The following TEAD1 variants were observed in gnomAD, a reference collection of about 807,000 sequenced individuals.
TEAD1 encodes TEA domain transcription factor 1.
TEAD1 carries 9 observed loss-of-function variants against 54.9 expected under a neutral mutation model. The observed-to-expected ratio is 0.16, with a 90% CI of 0.10 to 0.29. TEAD1 has a LOEUF of 0.29. Among genes scored for constraint, TEAD1 ranks in the 10% least tolerant of loss-of-function variants. The pLI, the probability that TEAD1 is intolerant of heterozygous loss-of-function variation, is 1.00. For missense variants in TEAD1, 387 were observed against 535.9 expected (o/e 0.72, Z 2.74); for synonymous variants, 200 against 187.8 (o/e 1.07, Z -0.53).
chr11:12,824,029 C>T (rs1946602698), intron 3 of TEAD1, among the ~76,000 whole-genome samples: 1 of 152,186 alleles, frequency 6.6e-6, no homozygotes, highest in Admixed American at 6.5e-5. Context: ...ATGAGAACGT[C>T]TGTAAAATTA....
intron 5 of TEAD1, among the ~76,000 whole-genome samples, chr11:12,870,766 G>T (rs1947730822): frequency 6.6e-6 from 1 of 152,142 alleles, no homozygotes; most frequent in Non-Finnish European, 1.5e-5. Context: ...TGCACCGGCA[G>T]TTATAGCTAC....
intron 3 of TEAD1, among the ~76,000 whole-genome samples, chr11:12,794,487 G>C (rs1282023605): frequency 6.6e-6 from 1 of 152,228 alleles, no homozygotes; most frequent in African/African-American, 2.4e-5. Flanking sequence ...AATCAAGGGA[G>C]ATTTGGAATA....
intron 2 of TEAD1, among the ~76,000 whole-genome samples, chr11:12,726,442 G>T (rs999123527): frequency 1.3e-5 from 2 of 152,212 alleles, no homozygotes; most frequent in Non-Finnish European, 1.5e-5. Flanking sequence ...GCTGTGCACT[G>T]GGGGAGTCAC....
intron 6 of TEAD1, 119 bp downstream of exon 6, chr11:12,879,961 G>C: frequency 1.4e-6 from 2 of 1,465,606 alleles, no homozygotes; most frequent in East Asian, 2.3e-5. Context: ...GAGGGCAAAG[G>C]CTACCTTGTC....
At chr11:12,818,001 A>G (rs1422684846) in intron 3 of TEAD1, among the ~76,000 whole-genome samples, 1 of 152,262 alleles carries the variant, frequency 6.6e-6, no homozygotes, top group Non-Finnish European at 1.5e-5. Flanking sequence ...CTGGATGGCA[A>G]AGAAAACACT....
chr11:12,826,079 A>G (rs993060898), intron 3 of TEAD1, among the ~76,000 whole-genome samples: 3 of 152,228 alleles, frequency 2.0e-5, no homozygotes, highest in African/African-American at 7.2e-5. Flanking sequence ...AGCACAACAT[A>G]ATAAAAAGTC....
chr11:12,771,277 A>G (rs1018849600), intron 3 of TEAD1, among the ~76,000 whole-genome samples: 1 of 152,188 alleles, frequency 6.6e-6, no homozygotes, highest in Admixed American at 6.5e-5. Context: ...CTGGGGGCAG[A>G]CGGAAGCCAT....
intron 3 of TEAD1, among the ~76,000 whole-genome samples, chr11:12,797,807 A>G (rs1945966638): frequency 6.6e-6 from 1 of 151,996 alleles, no homozygotes. Context: ...TTTTTATGTC[A>G]GTGTATCCTA....
At chr11:12,869,638 T>C (rs1947697617) in intron 5 of TEAD1, among the ~76,000 whole-genome samples, 1 of 152,218 alleles carries the variant, frequency 6.6e-6, no homozygotes, top group African/African-American at 2.4e-5. Context: ...TAAACACTCA[T>C]GTTTATACTA....
intron 9 of TEAD1, among the ~76,000 whole-genome samples, chr11:12,895,959 C>G (rs556398213): frequency 6.9e-6 from 1 of 145,122 alleles, no homozygotes; most frequent in Admixed American, 6.9e-5. Context: ...TTCAGTCCCC[C>G]TATGTGCTTT....
At chr11:12,828,117 C>T (rs1166873733) in intron 3 of TEAD1, 1 of 152,186 alleles carries the variant, frequency 6.6e-6, no homozygotes, top group Non-Finnish European at 1.5e-5. Context: ...TCCTGATTGT[C>T]AATAAAGACG....
intron 2 of TEAD1, among the ~76,000 whole-genome samples, chr11:12,676,772 T>A (rs1463562499): frequency 1.3e-5 from 2 of 152,192 alleles, no homozygotes; most frequent in African/African-American, 2.4e-5. Context: ...TTCTTTAGTG[T>A]TTCTTTGTGC....
In TEAD1 at chr11:12,699,650, T is replaced by C. The variant is rs1157003810; in HGVS notation, c.-55+24089T>C. On this transcript the variant is annotated intron_variant, in intron 2 of 12. Transcript: ENST00000527636. ...TGTATCTGATTTACTCACTAGATTATAAGCCTCACAAGGGAAGTTTCCATG... is the reference window on the plus strand; with the variant it reads ...TGTATCTGATTTACTCACTAGATTACAAGCCTCACAAGGGAAGTTTCCATG... Among the ~76,000 whole-genome samples the C allele has an allele frequency of 2.6e-5, 4 of 152,340 alleles. No homozygotes were observed. The East Asian group carries it at 7.7e-4, about 29-fold the overall frequency.
chr11:12,855,447 G>A lies in TEAD1; in HGVS notation c.203-6803G>A, dbSNP rs1045400396. Among the ~76,000 whole-genome samples the A allele has an allele frequency of 5.3e-5, 8 of 151,746 alleles. No individual in the cohort carries two copies. In the East Asian group the frequency reaches 7.8e-4, roughly 15 times the overall value. On this transcript the variant is annotated intron_variant, in intron 3 of 12. Coordinates refer to ENST00000527636, the MANE Select transcript of TEAD1 (RefSeq NM_021961.6). Reference sequence around the variant, plus strand: ...TGGGATTACAGGCATGTGCCACCACGCCCAGCTTATTTTTGTATTTTTAGT... The same window carrying A: ...TGGGATTACAGGCATGTGCCACCACACCCAGCTTATTTTTGTATTTTTAGT...
Position 12,674,825 on chromosome 11 carries a change from C to A in TEAD1, c.-217C>A. 6.6e-6 allele frequency: 1 copy of A among 150,488 alleles called. No individual in the cohort carries two copies. The highest frequency in any genetic ancestry group is 2.1e-4 in the South Asian group (1 of 4,820). 9.3% of individuals were successfully genotyped at this position (150,488 alleles called of 1,614,324 possible). ...ACTCGCCGGGCGCTGCGGTGGCTCC[C>A]TGGGCCGAGGTAAGTTGGCGCGCGG... is the stretch of plus-strand genomic sequence containing the variant. On this transcript the variant is annotated 5_prime_UTR_variant, in exon 1 of 13. It adds an upstream start codon to the 5' untranslated region. Coordinates refer to ENST00000527636, the MANE Select transcript of TEAD1 (RefSeq NM_021961.6).
intron 3 of TEAD1, among the ~76,000 whole-genome samples, chr11:12,839,028 C>G (rs1946968609): frequency 6.6e-6 from 1 of 152,098 alleles, no homozygotes; most frequent in Non-Finnish European, 1.5e-5. Flanking sequence ...GGACAGAACT[C>G]TGAGCATTGT....
intron 12 of TEAD1, among the ~76,000 whole-genome samples, chr11:12,933,710 G>C (rs1949052080): frequency 1.3e-5 from 2 of 152,134 alleles, no homozygotes; most frequent in Admixed American, 1.3e-4. Context: ...CAGGTGCTGT[G>C]CTAGACCCTT....
At chr11:12,912,290 T>A (rs1948630771) in intron 10 of TEAD1, among the ~76,000 whole-genome samples, 1 of 152,034 alleles carries the variant, frequency 6.6e-6, no homozygotes, top group Admixed American at 6.6e-5. Flanking sequence ...TGTGGGCAGG[T>A]GAACAACAGC....
intron 5 of TEAD1, among the ~76,000 whole-genome samples, chr11:12,869,630 AAC>A (rs1947697400): frequency 3.3e-5 from 5 of 152,292 alleles, no homozygotes; most frequent in Admixed American, 3.3e-4. Context: ...AAATATATTA[AAC>A]ACTCATGTTT....
Sources: allele counts gnomAD v4.1 joint callset (sites outside exome capture counted in the v4.1 genomes callset), GRCh38; gene constraint gnomAD v4.1.1; transcripts MANE v1.5; gene names NCBI Gene and HGNC (gene_info 2026-07-23, HGNC 2026-07-21).